Variants in PNISR observed in about 807,000 individuals in gnomAD.
PNISR encodes arginine/serine-rich protein PNISR.
Under a neutral mutation model 93.4 loss-of-function variants are expected in PNISR, and 20 were observed. That is an observed-to-expected ratio of 0.21 (90% CI 0.15 to 0.31). The LOEUF is 0.31. Ranked by LOEUF, PNISR falls within the 10% of genes least tolerant of loss-of-function variation. PNISR has a pLI of 1.00. For missense variants in PNISR, 893 were observed against 985.4 expected (o/e 0.91, Z 1.25); for synonymous variants, 305 against 306.5 (o/e 0.99, Z 0.05).
chr6:99,400,842 T>C lies in PNISR; in HGVS notation c.2116A>G (p.Ser706Gly). The change falls in exon 12 of 12, where the codon AGT becomes GGT. Residue 706 changes from serine to glycine, a missense_variant. By Grantham distance (56) the Ser-to-Gly change is moderately conservative. Transcript: ENST00000369239. ...KREEKDFKFS[S>G]QDDRLKRKRE... Reference sequence around the variant, plus strand: ...TTCCTTTTTAATCTATCATCCTGACTACTGAACTTAAAATCTTTTTCTTCC... The same window carrying C: ...TTCCTTTTTAATCTATCATCCTGACCACTGAACTTAAAATCTTTTTCTTCC... The C allele has an allele frequency of 6.2e-7, 1 of 1,607,328 alleles. No individual in the cohort carries two copies. Among genetic ancestry groups the C allele is most frequent in the Non-Finnish European group, 8.5e-7 (1 of 1,176,120 alleles).
intron 3 of PNISR, among the ~76,000 whole-genome samples, 184 bp downstream of exon 3, chr6:99,414,388 C>A (rs1253761601): frequency 1.3e-5 from 2 of 152,192 alleles, no homozygotes; most frequent in African/African-American, 4.8e-5. Context: ...TGAGAGTCTT[C>A]CAAAGGGAAG....
Position 99,409,281 on chromosome 6 carries a change from G to C in PNISR, c.565C>G (p.Pro189Ala). ...TTCTGGGGAGGTGCTGGAGGTCCTG[G>C]AGGTCCTGGTTGCCAATAAGGAGGA... ...FHPPYWQPGP[P>A]GPPAPPQNRR... is the part of the protein sequence containing the mutation. Residue 189 changes from proline to alanine, a missense_variant, in exon 6 of 12, where the codon CCA (proline) becomes GCA (alanine). By Grantham distance (27) the Pro-to-Ala change is conservative (BLOSUM62 -1). Coordinates refer to ENST00000369239, the MANE Select transcript of PNISR (RefSeq NM_032870.4). The C allele has an allele frequency of 6.2e-7, 1 of 1,613,964 alleles. No homozygotes were observed. Among genetic ancestry groups the C allele is most frequent in the Non-Finnish European group, 8.5e-7 (1 of 1,179,948 alleles).
intron 6 of PNISR, among the ~76,000 whole-genome samples, 191 bp downstream of exon 6, chr6:99,408,982 A>C (rs1776498029): frequency 6.6e-6 from 1 of 152,222 alleles, no homozygotes; most frequent in South Asian, 2.1e-4. Context: ...GGTTTAAATA[A>C]AATTATTTAA....
intron 7 of PNISR, among the ~76,000 whole-genome samples, chr6:99,407,594 T>A (rs765994253): frequency 2.0e-4 from 31 of 152,340 alleles, no homozygotes; most frequent in Non-Finnish European, 4.4e-4. Flanking sequence ...GTGCTGTGGC[T>A]ATCATACCTG....
chr6:99,412,024 T>A (rs1777000801), intron 4 of PNISR: 1 of 307,522 alleles, frequency 3.3e-6, no homozygotes, highest in Non-Finnish European at 6.4e-6. Context: ...GAAATCTACA[T>A]CATACTGTGA....
Position 99,400,673 on chromosome 6 carries a change from G to T in PNISR, c.2285C>A (p.Ser762Tyr). The T allele has an allele frequency of 6.2e-7, 1 of 1,613,950 alleles. No homozygotes were observed. The highest frequency in any genetic ancestry group is 8.5e-7 in the Non-Finnish European group (1 of 1,179,948). The change falls in exon 12 of 12, where the codon TCT (serine) becomes TAT (tyrosine). Residue 762 changes from serine to tyrosine, a missense_variant. Coordinates refer to ENST00000369239, the MANE Select transcript of PNISR (RefSeq NM_032870.4). The stretch of plus-strand genomic sequence containing the variant: ...TTCTTTGCTACTTCCTGGAGACTCA[G>T]AACTGCTCCTTCCACTAGAATCAGA... ...SGSDSSGRSS[S>Y]ESPGSSKEKK...
chr6:99,402,133 A>T (rs1025932137), intron 11 of PNISR, among the ~76,000 whole-genome samples: 5 of 152,250 alleles, frequency 3.3e-5, no homozygotes, highest in African/African-American at 1.2e-4. Context: ...TAATTACCTT[A>T]GATTTTTCAA....
In PNISR at chr6:99,400,868, CTT is replaced by C. The variant is rs758977482; in HGVS notation, c.2088_2089del (p.Arg697GlyfsTer6). 6.3e-7 allele frequency: 1 copy of C among 1,595,380 alleles called. No individual in the cohort carries two copies. Among genetic ancestry groups the C allele is most frequent in the Non-Finnish European group, 8.6e-7 (1 of 1,168,466 alleles). On this transcript the variant is annotated frameshift_variant, in exon 12 of 12. Transcript: ENST00000369239. LOFTEE classifies it high-confidence loss of function. The stretch of plus-strand genomic sequence containing the variant: ...ACTGAACTTAAAATCTTTTTCTTCC[CTT>C]TTTTGTTTCTCTTTTCTTTTATCCT...
At chr6:99,422,456 A>G (rs1778688282) in intron 1 of PNISR, among the ~76,000 whole-genome samples, 1 of 152,252 alleles carries the variant, frequency 6.6e-6, no homozygotes, top group South Asian at 2.1e-4. Context: ...TTAGGTGGAA[A>G]TGGCACTGGT....
intron 11 of PNISR, among the ~76,000 whole-genome samples, chr6:99,401,906 C>G (rs1348429006): frequency 6.6e-6 from 1 of 152,098 alleles, no homozygotes; most frequent in African/African-American, 2.4e-5. Flanking sequence ...TGAAATCTAG[C>G]ATGTAATTTA....
chr6:99,422,522 T>C (rs1263058899), intron 1 of PNISR, among the ~76,000 whole-genome samples: 1 of 152,238 alleles, frequency 6.6e-6, no homozygotes, highest in Non-Finnish European at 1.5e-5. Flanking sequence ...TGCTACTTTA[T>C]GTGACATGCA....
Position 99,425,298 on chromosome 6 carries a change from C to G in PNISR, c.-195G>C. ...TTCGATGCTTCTACTTCTTCGGGAA[C>G]AAGACAAGATGGCGCCCGATTTGTC... On this transcript the variant is annotated 5_prime_UTR_variant, in exon 1 of 12. Transcript: ENST00000369239. 8.1e-7 allele frequency: 1 copy of G among 1,232,092 alleles called. No homozygotes were observed. Among genetic ancestry groups the G allele is most frequent in the South Asian group, 4.1e-5 (1 of 24,322 alleles). The allele number at this position is 1,232,092 out of a possible 1,614,324, so 76.3% of individuals were successfully genotyped here.
intron 8 of PNISR, among the ~76,000 whole-genome samples, chr6:99,405,721 T>C (rs1776077459): frequency 6.6e-6 from 1 of 152,066 alleles, no homozygotes; most frequent in African/African-American, 2.4e-5. Flanking sequence ...CACCTCACTA[T>C]GCCCGGCTAA....
intron 8 of PNISR, 89 bp from the exon 9 acceptor site, chr6:99,404,791 T>C (rs1395979547): frequency 2.9e-6 from 2 of 685,296 alleles, no homozygotes; most frequent in Non-Finnish European, 2.5e-6. Flanking sequence ...CAAAGCCATT[T>C]TTTTTTTCAG....
At chr6:99,412,891 G>A in intron 3 of PNISR, 152 bp from the exon 4 acceptor site, 1 of 467,882 alleles carries the variant, frequency 2.1e-6, no homozygotes, top group Non-Finnish European at 3.7e-6. Flanking sequence ...TTTTTTGAAT[G>A]AGATCTTAAA....
At chr6:99,411,635 A>C (rs977544187) in intron 4 of PNISR, 32 of 136,482 alleles carry the variant, frequency 2.3e-4, no homozygotes, top group African/African-American at 8.8e-4. Flanking sequence ...TTTGTTTTAA[A>C]TGAGGGACTC....
In PNISR at chr6:99,401,062, A is replaced by G. The variant is rs747710542; in HGVS notation, c.1896T>C (p.Ser632=). 1 of 1,613,614 alleles carries G rather than the reference A, an allele frequency of 6.2e-7. No homozygotes were observed. The change falls in exon 12 of 12, where the codon AGT becomes AGC. Residue 632 remains serine, a synonymous_variant. Transcript: ENST00000369239. ...RSRDRRTNRA[S]RSRSRDRRKI... is the part of the protein sequence containing the mutation. ...TACGCCTATCTCGACTCCTACTGCG[A>G]CTGGCACGATTGGTTCGTCTATCCC...
chr6:99,424,841 A>C (rs916109986), intron 1 of PNISR: 6 of 178,402 alleles, frequency 3.4e-5, no homozygotes, highest in African/African-American at 1.4e-4. Context: ...AAAGGGTATA[A>C]GCTCCAGGTC....
In PNISR at chr6:99,425,267, A is replaced by G. The variant is rs934761382; in HGVS notation, c.-164T>C. 2.4e-6 allele frequency: 3 copies of G among 1,232,168 alleles called. No homozygotes were observed. Among genetic ancestry groups the G allele is most frequent in the African/African-American group, 1.5e-5 (1 of 64,536 alleles). The allele number at this position is 1,232,168 out of a possible 1,614,324, so 76.3% of individuals were successfully genotyped here. On this transcript the variant is annotated 5_prime_UTR_variant, in exon 1 of 12. Coordinates refer to ENST00000369239, the MANE Select transcript of PNISR (RefSeq NM_032870.4). Reference sequence around the variant, plus strand: ...GCCGCCGTTCCGGTAACACCTCTCCAACGCTTTCGATGCTTCTACTTCTTC... The same window carrying G: ...GCCGCCGTTCCGGTAACACCTCTCCGACGCTTTCGATGCTTCTACTTCTTC...
Sources: allele counts gnomAD v4.1 joint callset (sites outside exome capture counted in the v4.1 genomes callset), GRCh38; gene constraint gnomAD v4.1.1; transcripts MANE v1.5; gene names NCBI Gene and HGNC (gene_info 2026-07-23, HGNC 2026-07-21).